The following TIAM2 variants were observed in gnomAD, a reference collection of about 807,000 sequenced individuals.
The protein encoded by TIAM2 is TIAM Rac1 associated GEF 2, also known as rho guanine nucleotide exchange factor TIAM2.
In TIAM2, 80 loss-of-function variants were observed where a neutral mutation model predicts 152.9. The ratio of observed to expected loss-of-function variants is 0.52; its 90% CI spans 0.44 to 0.63. The LOEUF is 0.63. Among genes scored for constraint, TIAM2 ranks in the 30% least tolerant of loss-of-function variants. The pLI is 0.00. For synonymous variants in TIAM2, 804 were observed against 838.0 expected, an observed-to-expected ratio of 0.96 and a Z score of 0.70; for missense variants, 1,965 against 2,120.1, an observed-to-expected ratio of 0.93 and a Z score of 1.44.
intron 2 of TIAM2, among the ~76,000 whole-genome samples, chr6:155,106,168 C>A (rs1451920213): frequency 6.6e-6 from 1 of 151,992 alleles, no homozygotes; most frequent in East Asian, 1.9e-4. Context: ...CCACACCTGG[C>A]TAATTTTTGT....
At chr6:155,105,956 A>G (rs536991839) in intron 2 of TIAM2, among the ~76,000 whole-genome samples, 1 of 147,908 alleles carries the variant, frequency 6.8e-6, no homozygotes, top group South Asian at 2.1e-4. Flanking sequence ...AGATCTGAAA[A>G]TGCTGCTTTA....
intron 1 of TIAM2, among the ~76,000 whole-genome samples, chr6:155,080,395 A>C (rs998575753): frequency 6.6e-6 from 1 of 151,610 alleles, no homozygotes; most frequent in African/African-American, 2.4e-5. Context: ...TCTTGTTCTG[A>C]GATATTTAGC....
At chr6:155,085,460 A>G (rs995036618) in intron 1 of TIAM2, among the ~76,000 whole-genome samples, 1 of 152,146 alleles carries the variant, frequency 6.6e-6, no homozygotes, top group Non-Finnish European at 1.5e-5. Context: ...GGTTCACCTG[A>G]CAATGAAAGT....
intron 1 of TIAM2, among the ~76,000 whole-genome samples, chr6:155,004,395 GT>G (rs1778364537): frequency 6.6e-6 from 1 of 152,056 alleles, no homozygotes. Flanking sequence ...CCATCTTTCT[GT>G]TTTTGTTTGT....
intron 1 of TIAM2, among the ~76,000 whole-genome samples, chr6:155,037,020 T>C (rs1252178547): frequency 6.6e-6 from 1 of 152,234 alleles, no homozygotes; most frequent in Non-Finnish European, 1.5e-5. Context: ...ACTTTTTCAG[T>C]TTCCCTTCAC....
At chr6:155,100,281 A>G (rs1010454406) in intron 2 of TIAM2, among the ~76,000 whole-genome samples, 9 of 152,238 alleles carry the variant, frequency 5.9e-5, no homozygotes, top group African/African-American at 2.2e-4. Flanking sequence ...AGCAGGAGGC[A>G]GGAGCAGGTG....
chr6:155,044,723 A>G (rs1203875640), intron 1 of TIAM2, among the ~76,000 whole-genome samples: 1 of 151,900 alleles, frequency 6.6e-6, no homozygotes, highest in African/African-American at 2.4e-5. Context: ...GCTGAGGCAG[A>G]ATTGTTTGAA....
chr6:155,228,935 ACCTGCCTTCCT>A (rs1209936252), intron 15 of TIAM2, among the ~76,000 whole-genome samples: 27 of 152,156 alleles, frequency 1.8e-4, no homozygotes, highest in Non-Finnish European at 3.5e-4. Flanking sequence ...TGCAGCTCTG[ACCTGCCTTCCT>A]GGGCATGCCC....
chr6:155,157,269 C>T (rs896630571), intron 7 of TIAM2, among the ~76,000 whole-genome samples: 10 of 152,242 alleles, frequency 6.6e-5, no homozygotes, highest in African/African-American at 9.6e-5. Flanking sequence ...TCTAACAGAA[C>T]GCCTCCTTTT....
intron 1 of TIAM2, among the ~76,000 whole-genome samples, chr6:155,008,090 A>G (rs948092836): frequency 1.3e-5 from 2 of 152,094 alleles, no homozygotes; most frequent in African/African-American, 2.4e-5. Flanking sequence ...ATAATACATC[A>G]TATGGCTTTT....
intron 1 of TIAM2, among the ~76,000 whole-genome samples, chr6:155,000,208 T>C (rs547673411): frequency 6.6e-6 from 1 of 152,236 alleles, no homozygotes; most frequent in South Asian, 2.1e-4. Flanking sequence ...ATGTTAAACA[T>C]GTATCGAGTG....
chr6:155,032,838 G>C (rs1317582246), intron 1 of TIAM2, among the ~76,000 whole-genome samples: 6 of 152,262 alleles, frequency 3.9e-5, no homozygotes. Context: ...ACGACGCCTG[G>C]CCTGTTTTTT....
At chr6:155,036,879 A>G (rs893413642) in intron 1 of TIAM2, among the ~76,000 whole-genome samples, 45 of 151,998 alleles carry the variant, frequency 3.0e-4, no homozygotes, top group African/African-American at 1.0e-3. Flanking sequence ...TGGCCTCCCA[A>G]AGTGCTGGGA....
In TIAM2 at chr6:155,244,648, C is replaced by A. The variant is rs186811628; in HGVS notation, c.3418-10C>A. On this transcript the variant is annotated splice_polypyrimidine_tract_variant and intron_variant, in intron 17 of 26. Transcript: ENST00000682666. ...TAATCCCCTCATTTCAAATCCTGAT[C>A]TTCACATAGATGGAGTCACTTTTTG... The A allele has an allele frequency of 7.1e-5, 115 of 1,613,226 alleles. No individual in the cohort carries two copies. The East Asian group carries it at 2.5e-3, about 34-fold the overall frequency.
intron 2 of TIAM2, among the ~76,000 whole-genome samples, chr6:155,098,054 T>C (rs903059809): frequency 1.3e-5 from 2 of 152,246 alleles, no homozygotes; most frequent in Non-Finnish European, 2.9e-5. Flanking sequence ...GCCAGTACCA[T>C]GCTCATTTGG....
chr6:155,185,342 G>A (rs886545272), intron 14 of TIAM2, among the ~76,000 whole-genome samples: 3 of 151,756 alleles, frequency 2.0e-5, no homozygotes, highest in African/African-American at 4.8e-5. Context: ...GGCCAGGCTG[G>A]TCTTGAACTC....
chr6:155,036,120 A>G (rs1365428411), intron 1 of TIAM2, among the ~76,000 whole-genome samples: 2 of 152,262 alleles, frequency 1.3e-5, no homozygotes, highest in East Asian at 1.9e-4. Flanking sequence ...AAGATACCCC[A>G]AACAGAGTGG....
chr6:155,194,783 C>T (rs905077865), intron 14 of TIAM2, among the ~76,000 whole-genome samples: 2 of 152,140 alleles, frequency 1.3e-5, no homozygotes, highest in Admixed American at 6.5e-5. Context: ...GTGTCCCCAC[C>T]CAAATCTCAT....
intron 22 of TIAM2, among the ~76,000 whole-genome samples, chr6:155,251,553 C>G: frequency 6.6e-6 from 1 of 152,174 alleles, no homozygotes; most frequent in African/African-American, 2.4e-5. Flanking sequence ...TCCTGGAGTG[C>G]TGGGATTACA....
Sources: gnomAD v4.1 joint callset for allele counts (sites outside exome capture counted in the v4.1 genomes callset) on GRCh38, gnomAD v4.1.1 for gene constraint, MANE v1.5 for transcripts, NCBI Gene and HGNC (gene_info 2026-07-23, HGNC 2026-07-21) for gene names.